GRIP1: variants seen among roughly 807,000 people sequenced by gnomAD.
GRIP1 encodes glutamate receptor-interacting protein 1.
In GRIP1, 45 loss-of-function variants were observed where a neutral mutation model predicts 129.9. The observed-to-expected ratio is 0.35, with a 90% CI of 0.27 to 0.44. GRIP1 has a LOEUF of 0.44. Ranked by LOEUF, GRIP1 falls within the 20% of genes least tolerant of loss-of-function variation. GRIP1 has a pLI of 1.00. For missense variants in GRIP1, 1,196 were observed against 1,396.8 expected (o/e 0.86, Z 2.29); for synonymous variants, 530 against 520.8 (o/e 1.02, Z -0.24).
chr12:66,683,468 C>T (rs945372950), upstream of GRIP1, among the ~76,000 whole-genome samples: 1 of 151,932 alleles, frequency 6.6e-6, no homozygotes, highest in Non-Finnish European at 1.5e-5. Context: ...TGTAATTGCC[C>T]AAGACAGAAT....
intron 1 of GRIP1, among the ~76,000 whole-genome samples, chr12:66,826,342 A>G (rs994778372): frequency 6.6e-6 from 1 of 152,100 alleles, no homozygotes; most frequent in South Asian, 2.1e-4. Context: ...TAGAAGAAAT[A>G]CCTAATGTAG....
chr12:67,007,266 G>T (rs918408971), intron 1 of GRIP1, among the ~76,000 whole-genome samples: 1 of 152,022 alleles, frequency 6.6e-6, no homozygotes, highest in Non-Finnish European at 1.5e-5. Context: ...AGAACACTCC[G>T]TACCAGTGTT....
upstream of GRIP1, among the ~76,000 whole-genome samples, chr12:66,680,314 TCAAA>T (rs1241568679): frequency 6.6e-6 from 1 of 152,216 alleles, no homozygotes; most frequent in East Asian, 1.9e-4. Flanking sequence ...CAATATGAAC[TCAAA>T]CAATTTCAAT....
chr12:66,598,266 G>A (rs555867679), intron 1 of GRIP1, among the ~76,000 whole-genome samples: 5 of 152,240 alleles, frequency 3.3e-5, no homozygotes, highest in Admixed American at 2.6e-4. Flanking sequence ...AATTAACAAG[G>A]TCTTTATACG....
At chr12:66,421,126 G>C (rs1348196045) in intron 14 of GRIP1, among the ~76,000 whole-genome samples, 1 of 152,182 alleles carries the variant, frequency 6.6e-6, no homozygotes, top group Non-Finnish European at 1.5e-5. Context: ...AAATCAATTG[G>C]GGGCTCCCCT....
At chr12:66,722,721 A>G (rs552290601) in intron 1 of GRIP1, among the ~76,000 whole-genome samples, 3 of 152,166 alleles carry the variant, frequency 2.0e-5, no homozygotes, top group Non-Finnish European at 4.4e-5. Flanking sequence ...AATCCTGGAA[A>G]AGACAATCAA....
chr12:66,678,963 A>T lies in GRIP1; in HGVS notation c.-59T>A. The T allele has an allele frequency of 6.3e-7, 1 of 1,585,356 alleles. No homozygotes were observed. Among genetic ancestry groups the T allele is most frequent in the Admixed American group, 1.7e-5 (1 of 59,256 alleles). ...CAAGGCTCTCTGCTCTGGTGGCTGC[A>T]GCAGCAGCAGCATATGAATTCCTTG... On this transcript the variant is annotated 5_prime_UTR_variant, in exon 1 of 25. Coordinates refer to ENST00000359742, the MANE Select transcript of GRIP1 (RefSeq NM_001366722.1).
At chr12:66,594,067 CA>C (rs10661389) in intron 2 of GRIP1, among the ~76,000 whole-genome samples, 5,579 of 52,574 alleles carry the variant, frequency 0.11, 39 homozygotes, top group South Asian at 0.16. Flanking sequence ...GACTCCGTCT[CA>C]AAAAAAAAAA....
chr12:66,586,839 C>A (rs541188587), intron 2 of GRIP1, among the ~76,000 whole-genome samples: 3 of 152,164 alleles, frequency 2.0e-5, no homozygotes, highest in Non-Finnish European at 4.4e-5. Flanking sequence ...ACTGTGGCAG[C>A]CTGCTAACTG....
At chr12:66,964,408 C>G (rs995735477) in intron 1 of GRIP1, among the ~76,000 whole-genome samples, 5 of 151,914 alleles carry the variant, frequency 3.3e-5, no homozygotes, top group African/African-American at 1.2e-4. Flanking sequence ...GTAATAAAAG[C>G]TTACTGCCCT....
intron 2 of GRIP1, among the ~76,000 whole-genome samples, chr12:66,571,628 A>G (rs986577052): frequency 6.6e-6 from 1 of 152,216 alleles, no homozygotes; most frequent in Non-Finnish European, 1.5e-5. Flanking sequence ...AAAGTCATTA[A>G]AGAATATCTC....
intron 1 of GRIP1, among the ~76,000 whole-genome samples, chr12:67,066,905 T>TAC (rs2043638910): frequency 7.0e-6 from 1 of 143,166 alleles, no homozygotes; most frequent in African/African-American, 2.6e-5. Flanking sequence ...TATATATATA[T>TAC]ATATATACAC....
At chr12:66,796,705 G>A (rs2038710021) in intron 1 of GRIP1, among the ~76,000 whole-genome samples, 3 of 152,102 alleles carry the variant, frequency 2.0e-5, no homozygotes. Flanking sequence ...AATGACTCTT[G>A]ACACGTGCAT....
At chr12:66,721,300 C>A (rs1423523514) in intron 1 of GRIP1, among the ~76,000 whole-genome samples, 1 of 151,852 alleles carries the variant, frequency 6.6e-6, no homozygotes, top group Non-Finnish European at 1.5e-5. Context: ...TTAATTGAGA[C>A]AGAGTCTCAC....
chr12:66,588,746 A>G (rs12308643), intron 2 of GRIP1, among the ~76,000 whole-genome samples: 37,353 of 151,796 alleles, frequency 0.25, 4,735 homozygotes, highest in Admixed American at 0.28. Context: ...CGAGGCAGGT[A>G]GATCATGAGG....
At chr12:66,388,051 AAAATT>A (rs2056428916) in intron 19 of GRIP1, among the ~76,000 whole-genome samples, 2 of 152,078 alleles carry the variant, frequency 1.3e-5, no homozygotes, top group South Asian at 4.1e-4. Context: ...ATGAAAGAGT[AAAATT>A]AAAAGTAAAA....
At chr12:66,678,445 C>T (rs1412548137) in intron 1 of GRIP1, among the ~76,000 whole-genome samples, 3 of 152,096 alleles carry the variant, frequency 2.0e-5, no homozygotes, top group African/African-American at 7.2e-5. Flanking sequence ...ACCAGCTGTG[C>T]GAGTCCTGAA....
intron 15 of GRIP1, among the ~76,000 whole-genome samples, chr12:66,408,179 C>G (rs2057264277): frequency 6.6e-6 from 1 of 152,116 alleles, no homozygotes; most frequent in Admixed American, 6.5e-5. Flanking sequence ...CCCTCGGGCC[C>G]TGAATAATCA....
At chr12:66,363,599 G>C (rs574411745) in intron 23 of GRIP1, among the ~76,000 whole-genome samples, 2 of 151,586 alleles carry the variant, frequency 1.3e-5, no homozygotes. Context: ...ATCATTCCTT[G>C]CTAATGAGTT....
Sources: allele counts gnomAD v4.1 joint callset (sites outside exome capture counted in the v4.1 genomes callset), GRCh38; gene constraint gnomAD v4.1.1; transcripts MANE v1.5; gene names NCBI Gene and HGNC (gene_info 2026-07-23, HGNC 2026-07-21).